The following TACR3 variants were observed in gnomAD, a reference collection of about 807,000 sequenced individuals.
The protein encoded by TACR3 is neuromedin-K receptor.
TACR3 carries 34 observed loss-of-function variants against 35.0 expected under a neutral mutation model. The ratio of observed to expected loss-of-function variants is 0.97; its 90% CI spans 0.74 to 1.30. TACR3 has a LOEUF of 1.30. Among genes scored for constraint, TACR3 ranks in the 50% most tolerant of loss-of-function variants. The probability of loss-of-function intolerance (pLI) is 0.00; values close to 1 mark genes in which losing one functional copy is unlikely to be tolerated. For missense variants in TACR3, 558 were observed against 591.7 expected (o/e 0.94, Z 0.59); for synonymous variants, 233 against 221.1 (o/e 1.05, Z -0.48).
chr4:103,627,267 G>C (rs2110308188), intron 3 of TACR3, among the ~76,000 whole-genome samples: 1 of 136,692 alleles, frequency 7.3e-6, no homozygotes, highest in African/African-American at 2.7e-5. Flanking sequence ...TGTAATCCCA[G>C]CACTTTGAGA....
At chr4:103,632,288 T>C (rs1274171952) in intron 3 of TACR3, among the ~76,000 whole-genome samples, 1 of 152,118 alleles carries the variant, frequency 6.6e-6, no homozygotes, top group Non-Finnish European at 1.5e-5. Context: ...CCAACCCAAA[T>C]GCCCATCAAT....
chr4:103,591,140 T>A (rs1723884364), intron 4 of TACR3: 1 of 294,418 alleles, frequency 3.4e-6, no homozygotes, highest in Admixed American at 4.8e-5. Flanking sequence ...TAACTTCATT[T>A]CATTGAGGAT....
At chr4:103,719,025 T>C in intron 1 of TACR3, 103 bp downstream of exon 1, 1 of 1,502,568 alleles carries the variant, frequency 6.7e-7, no homozygotes, top group African/African-American at 1.4e-5. Flanking sequence ...CTCTTTACTT[T>C]TATAGACCCC....
intron 3 of TACR3, among the ~76,000 whole-genome samples, chr4:103,625,074 A>T (rs1439288804): frequency 6.6e-6 from 1 of 152,186 alleles, no homozygotes; most frequent in African/African-American, 2.4e-5. Context: ...AGAAATGTTG[A>T]AAGGAATTTT....
At chr4:103,619,369 T>C (rs1185187605) in intron 3 of TACR3, among the ~76,000 whole-genome samples, 2 of 152,160 alleles carry the variant, frequency 1.3e-5, no homozygotes, top group Non-Finnish European at 2.9e-5. Context: ...TTTGTATTTT[T>C]AGTAGAGACA....
intron 1 of TACR3, among the ~76,000 whole-genome samples, chr4:103,696,944 T>G (rs1223216411): frequency 6.6e-6 from 1 of 152,140 alleles, no homozygotes; most frequent in African/African-American, 2.4e-5. Flanking sequence ...GACAGGTTCT[T>G]GCTCTGTCAC....
intron 3 of TACR3, among the ~76,000 whole-genome samples, chr4:103,593,918 G>T (rs113228196): frequency 0.012 from 1,882 of 152,142 alleles, 38 homozygotes; most frequent in African/African-American, 0.043. Flanking sequence ...TTGTTCATTT[G>T]TATATTTCGG....
At chr4:103,597,562 G>C (rs528363264) in intron 3 of TACR3, among the ~76,000 whole-genome samples, 1 of 151,934 alleles carries the variant, frequency 6.6e-6, no homozygotes, top group African/African-American at 2.4e-5. Flanking sequence ...CCATTAACTC[G>C]TCATTTACAT....
intron 3 of TACR3, among the ~76,000 whole-genome samples, chr4:103,625,069 T>G (rs1724860731): frequency 6.6e-6 from 1 of 152,060 alleles, no homozygotes; most frequent in African/African-American, 2.4e-5. Context: ...TCAGAAGAAA[T>G]GTTGAAAGGA....
intron 1 of TACR3, among the ~76,000 whole-genome samples, chr4:103,707,241 G>C (rs528294049): frequency 6.6e-6 from 1 of 152,290 alleles, no homozygotes; most frequent in East Asian, 1.9e-4. Flanking sequence ...TCTTTACAGA[G>C]AGTGTAAACA....
intron 3 of TACR3, among the ~76,000 whole-genome samples, chr4:103,600,276 G>T (rs562820939): frequency 6.6e-6 from 1 of 152,270 alleles, no homozygotes; most frequent in South Asian, 2.1e-4. Flanking sequence ...ATGGTAGTTT[G>T]TATTCCTGTG....
intron 3 of TACR3, among the ~76,000 whole-genome samples, chr4:103,597,717 C>G (rs927104915): frequency 6.6e-6 from 1 of 151,702 alleles, no homozygotes; most frequent in African/African-American, 2.4e-5. Context: ...GTTTTTTGTC[C>G]TTGTAATAGT....
chr4:103,709,287 A>G (rs925854449), intron 1 of TACR3, among the ~76,000 whole-genome samples: 2 of 152,252 alleles, frequency 1.3e-5, no homozygotes, highest in African/African-American at 4.8e-5. Flanking sequence ...AGGAAAGCCC[A>G]TCAGACTAAC....
chr4:103,618,025 G>A (rs188061982), intron 3 of TACR3, among the ~76,000 whole-genome samples: 16 of 152,244 alleles, frequency 1.1e-4, no homozygotes, highest in Middle Eastern at 6.8e-3. Flanking sequence ...GTGTCTATGA[G>A]TTTAGGAAAA....
At chr4:103,631,947 T>C (rs1725076041) in intron 3 of TACR3, among the ~76,000 whole-genome samples, 1 of 152,182 alleles carries the variant, frequency 6.6e-6, no homozygotes, top group Non-Finnish European at 1.5e-5. Context: ...TCTTGTTCTT[T>C]CCTCTATTTT....
intron 1 of TACR3, among the ~76,000 whole-genome samples, chr4:103,660,660 A>G (rs1578247390): frequency 6.6e-6 from 1 of 152,066 alleles, no homozygotes; most frequent in South Asian, 2.1e-4. Context: ...TGTATACATT[A>G]AATATGTGCA....
At position 103,658,365 on chromosome 4, in the gene TACR3, G is replaced by C; in HGVS notation, c.587C>G (p.Ser196Cys). 1 of 1,613,872 alleles carries C rather than the reference G, an allele frequency of 6.2e-7. No homozygotes were observed. The highest frequency in any genetic ancestry group is 8.5e-7 in the Non-Finnish European group (1 of 1,179,922). The change falls in exon 2 of 5, where the codon TCT (serine) becomes TGT (cysteine). Residue 196 changes from serine (S) to cysteine (C), a missense_variant. Transcript: ENST00000304883. Reference sequence around the variant, plus strand: ...AATGACAATCTTGGTTGCTGTAGCAGACAGTCTGGGTTTCAAGGGATCAAT... The same window carrying C: ...AATGACAATCTTGGTTGCTGTAGCACACAGTCTGGGTTTCAAGGGATCAAT... ...AIIDPLKPRLSATATKIVIGS... is the reference protein window; with the variant it reads ...AIIDPLKPRLCATATKIVIGS...
At chr4:103,683,595 A>C (rs1722154302) in intron 1 of TACR3, among the ~76,000 whole-genome samples, 3 of 151,758 alleles carry the variant, frequency 2.0e-5, no homozygotes. Flanking sequence ...ACACATATAT[A>C]AATAGATAAA....
rs558239907 is a variant in TACR3, at chr4:103,624,875, G to A, written c.888+31319C>T. ...TGGAATCATTTGAATTATAGGAAGAGGGCTACAGTTTGAATTGTCAGAACA... is the reference window on the plus strand; with the variant it reads ...TGGAATCATTTGAATTATAGGAAGAAGGCTACAGTTTGAATTGTCAGAACA... On this transcript the variant is annotated intron_variant, in intron 3 of 4. Coordinates refer to ENST00000304883, the MANE Select transcript of TACR3 (RefSeq NM_001059.3). 1.7e-3 allele frequency among the ~76,000 whole-genome samples: 262 copies of A among 152,184 alleles called. 1 individual carries two copies. The highest frequency in any genetic ancestry group is 2.5e-3 in the Non-Finnish European group (172 of 68,004).
Sources: gnomAD v4.1 joint callset for allele counts (sites outside exome capture counted in the v4.1 genomes callset) on GRCh38, gnomAD v4.1.1 for gene constraint, MANE v1.5 for transcripts, NCBI Gene and HGNC (gene_info 2026-07-23, HGNC 2026-07-21) for gene names.